The following FAM149A variants were observed in gnomAD, a reference collection of about 807,000 sequenced individuals.
FAM149A encodes protein FAM149A.
In FAM149A, 71 loss-of-function variants were observed where a neutral mutation model predicts 78.2. That is an observed-to-expected ratio of 0.91 (90% CI 0.75 to 1.11). The LOEUF is 1.11. Among genes scored for constraint, FAM149A ranks in the 50% least tolerant of loss-of-function variants. FAM149A has a pLI of 0.00. For missense variants in FAM149A, 1,036 were observed against 971.0 expected (o/e 1.07, Z -0.89); for synonymous variants, 446 against 410.5 (o/e 1.09, Z -1.04).
At chr4:186,133,168 C>A in intron 1 of FAM149A, 4 of 985,390 alleles carry the variant, frequency 4.1e-6, no homozygotes, top group Non-Finnish European at 4.8e-6. Flanking sequence ...ATTCTGCAAG[C>A]TGGGAGGTGA....
At chr4:186,169,047 T>G in intron 13 of FAM149A, 1 of 255,018 alleles carries the variant, frequency 3.9e-6, no homozygotes, top group Non-Finnish European at 6.2e-6. Context: ...CTTTTGGGGA[T>G]GCTGACTACA....
At chr4:186,159,257 C>A (rs1454385119) in intron 8 of FAM149A, among the ~76,000 whole-genome samples, 5 of 151,222 alleles carry the variant, frequency 3.3e-5, no homozygotes, top group African/African-American at 1.2e-4. Context: ...CAAAAAAAAA[C>A]AAAAACAAAA....
intron 1 of FAM149A, chr4:186,132,228 A>G (rs1377429873): frequency 2.0e-6 from 2 of 985,184 alleles, no homozygotes; most frequent in African/African-American, 1.7e-5. Context: ...GTAAGCCATC[A>G]GTATTGTCAT....
intron 1 of FAM149A, chr4:186,132,904 C>T (rs1171161448): frequency 1.1e-6 from 1 of 941,486 alleles, no homozygotes. Flanking sequence ...CAGTCTTTCC[C>T]TAAATTCATG....
intron 1 of FAM149A, among the ~76,000 whole-genome samples, chr4:186,140,267 C>T (rs2099325245): frequency 1.3e-5 from 2 of 152,096 alleles, no homozygotes; most frequent in Admixed American, 1.3e-4. Flanking sequence ...AATTAATTTT[C>T]AGAGGGTGAT....
chr4:186,158,653 G>A, intron 8 of FAM149A: 3 of 1,084,748 alleles, frequency 2.8e-6, no homozygotes, highest in South Asian at 2.6e-5. Context: ...CCAGGTTGAG[G>A]GTGGAGACCC....
In FAM149A at chr4:186,149,169, C is replaced by A. The variant is rs1406385127; in HGVS notation, c.567-4C>A. The A allele has an allele frequency of 7.8e-7, 1 of 1,277,274 alleles. No individual in the cohort carries two copies. The allele number at this position is 1,277,274 out of a possible 1,614,324, so 79.1% of individuals were successfully genotyped here. On this transcript the variant is annotated splice_polypyrimidine_tract_variant and splice_region_variant and intron_variant, in intron 1 of 13. Coordinates refer to ENST00000389354, the MANE Select transcript of FAM149A (RefSeq NM_001367768.3). ...AGACTCGTCATGTTTTATTTTATTT[C>A]CAGAAGAGGACTGTCAGAAGGACGT...
intron 3 of FAM149A, 68 bp downstream of exon 3, chr4:186,149,772 T>C (rs553970291): frequency 9.0e-7 from 1 of 1,105,650 alleles, no homozygotes. Flanking sequence ...TTCCTTATAT[T>C]CAAAATTATT....
At chr4:186,150,357 G>GTT (rs144215601) in intron 3 of FAM149A, among the ~76,000 whole-genome samples, 6 of 129,352 alleles carry the variant, frequency 4.6e-5, no homozygotes, top group African/African-American at 1.7e-4. Context: ...TATGCTGGGT[G>GTT]TTTTGTTGTT....
At position 186,149,238 on chromosome 4, in the gene FAM149A, C is replaced by T. The variant is rs1003587106; in HGVS notation, c.632C>T (p.Thr211Met). Residue 211 changes from threonine (T) to methionine (M), a missense_variant, in exon 2 of 14, where the codon ACG becomes ATG. By Grantham distance (81) the Thr-to-Met change is moderately conservative. This residue lies in a region of FAM149A where 716 missense variants were observed against 711.8 expected (regional missense o/e 1.01). Transcript: ENST00000389354. Reference sequence around the variant, plus strand: ...GTGAGGAGCAAAGATTCTTTACCTACGCATTTTACAAGAAATGTGCAGAAA... The same window carrying T: ...GTGAGGAGCAAAGATTCTTTACCTATGCATTTTACAAGAAATGTGCAGAAA... 6.4e-5 allele frequency: 82 copies of T among 1,289,128 alleles called. No homozygotes were observed. Among genetic ancestry groups the T allele is most frequent in the African/African-American group, 1.8e-4 (12 of 65,826 alleles). The allele number at this position is 1,289,128 out of a possible 1,614,324, so 79.9% of individuals were successfully genotyped here. A position where few individuals can be genotyped will look rare whatever the true frequency, so the allele number is the denominator to read the frequency against.
At chr4:186,143,455 T>A (rs1421014011) in intron 1 of FAM149A, among the ~76,000 whole-genome samples, 1 of 152,056 alleles carries the variant, frequency 6.6e-6, no homozygotes, top group Non-Finnish European at 1.5e-5. Context: ...GGATTTAAAA[T>A]CTCATTAATT....
intron 1 of FAM149A, chr4:186,132,993 G>C: frequency 1.0e-6 from 1 of 985,368 alleles, no homozygotes; most frequent in Non-Finnish European, 1.2e-6. Context: ...GCTGTGCTCT[G>C]AGACGAGCTC....
chr4:186,150,508 C>T (rs1254940149), intron 3 of FAM149A, among the ~76,000 whole-genome samples: 3 of 138,684 alleles, frequency 2.2e-5, no homozygotes, highest in Non-Finnish European at 3.1e-5. Context: ...CAAGCTCCGC[C>T]TCCCGGGTTC....
Position 186,105,112 on chromosome 4 carries a change from G to A in FAM149A, c.36G>A (p.Leu12=). 2 of 1,281,722 alleles carry A rather than the reference G, an allele frequency of 1.6e-6. No individual in the cohort carries two copies. Among genetic ancestry groups the A allele is most frequent in the Non-Finnish European group, 1.0e-6 (1 of 985,494 alleles). The allele number at this position is 1,281,722 out of a possible 1,614,324, so 79.4% of individuals were successfully genotyped here. ...CTGTGCTGGACCTTGGGTCTCTCTT[G>A]GCCAAACTCTTCGAGACCTCGACGG... The change falls in exon 1 of 14, where the codon TTG becomes TTA. Residue 12 remains leucine, a synonymous_variant. Transcript: ENST00000389354.
intron 4 of FAM149A, among the ~76,000 whole-genome samples, chr4:186,152,779 C>T (rs1733702246): frequency 6.6e-6 from 1 of 151,870 alleles, no homozygotes; most frequent in Non-Finnish European, 1.5e-5. Flanking sequence ...CTCCTGAACT[C>T]GTGATCCGCC....
At chr4:186,171,490 T>C (rs1366755423) in intron 13 of FAM149A, among the ~76,000 whole-genome samples, 6 of 152,108 alleles carry the variant, frequency 3.9e-5, no homozygotes, top group South Asian at 2.1e-4. Flanking sequence ...TACTAACTTA[T>C]CAACTTTTAT....
intron 1 of FAM149A, chr4:186,118,343 T>G: frequency 1.8e-6 from 1 of 563,610 alleles, no homozygotes; most frequent in Non-Finnish European, 2.3e-6. Flanking sequence ...AGGTAGCTAC[T>G]TGTTCCCTGT....
At chr4:186,116,366 C>G (rs544330757) in intron 1 of FAM149A, 1 of 560,054 alleles carries the variant, frequency 1.8e-6, no homozygotes, top group South Asian at 7.9e-5. Context: ...GTGTCACTCA[C>G]GCTGGGAGCT....
rs75028544 is a variant in FAM149A, at chr4:186,162,256, G to A, written c.1576-589G>A. 1.6e-4 allele frequency among the ~76,000 whole-genome samples: 24 copies of A among 152,284 alleles called. No individual in the cohort carries two copies. The East Asian group carries it at 4.6e-3, about 29-fold the overall frequency. On this transcript the variant is annotated intron_variant, in intron 8 of 13. Transcript: ENST00000389354. ...AGCTGGGGTTCAGACTGATGCTTTC[G>A]AGGGTCCAGGCCATCTCACCGCTTC...
Sources: gnomAD v4.1 joint callset for allele counts (sites outside exome capture counted in the v4.1 genomes callset) on GRCh38, gnomAD v4.1.1 for gene constraint, gnomAD v4.1.1 regional missense constraint, MANE v1.5 for transcripts, NCBI Gene and HGNC (gene_info 2026-07-23, HGNC 2026-07-21) for gene names.